LAGE3: variants seen among roughly 807,000 people sequenced by gnomAD.
LAGE3 encodes L antigen family member 3, also known as EKC/KEOPS complex subunit LAGE3.
In LAGE3, 2 loss-of-function variants were observed where a neutral mutation model predicts 4.4. The observed-to-expected ratio is 0.46, with a 90% CI of 0.19 to 1.44. LAGE3 has a LOEUF of 1.44. Ranked by LOEUF, LAGE3 falls within the 40% of genes most tolerant of loss-of-function variation. The pLI is 0.26. For missense variants in LAGE3, 152 were observed against 138.1 expected (o/e 1.10, Z -0.51); for synonymous variants, 79 against 60.0 (o/e 1.32, Z -1.47).
At position 154,478,783 on chromosome X, in the gene LAGE3, G is replaced by T. The variant is rs2069254675; in HGVS notation, c.133C>A (p.Pro45Thr). 6.2e-6 allele frequency: 7 copies of T among 1,136,652 alleles called. No homozygotes were observed. The highest frequency in any genetic ancestry group is 8.1e-6 in the Non-Finnish European group (7 of 866,468). The allele number at this position is 1,136,652 out of a possible 1,213,427, so 93.7% of individuals were successfully genotyped here. Residue 45 changes from proline (P) to threonine (T), a missense_variant, in exon 1 of 3, where the codon CCG becomes ACG. Physicochemically the swap from Pro to Thr is conservative, Grantham distance 38. Coordinates refer to ENST00000357360, the MANE Select transcript of LAGE3 (RefSeq NM_006014.5). ...GCCGCAGACGCGGCGTCTCTGCCCG[G>T]ACCTGGCGCGTGCGCTGGGGGAGCT... The part of the protein sequence containing the change: ...GGAPPAHAPG[P>T]GRDAASAARG...
rs782679585 is a variant in LAGE3, at chrX:154,477,927, A to G, written c.*17T>C. On this transcript the variant is annotated 3_prime_UTR_variant, in exon 3 of 3. Transcript: ENST00000357360. ...GAGACGCAAAGTGGGACCTCGCTCCATTTGCCCAGGCCAGGCTTAGCGGGA... is the reference window on the plus strand; with the variant it reads ...GAGACGCAAAGTGGGACCTCGCTCCGTTTGCCCAGGCCAGGCTTAGCGGGA... The G allele has an allele frequency of 2.2e-5, 26 of 1,192,105 alleles. No homozygotes were observed. In the East Asian group the frequency reaches 3.6e-4, roughly 16 times the overall value.
At chrX:154,478,131 C>T (rs1212826881) in intron 2 of LAGE3, 73 bp from the exon 3 acceptor site, 2 of 1,100,690 alleles carry the variant, frequency 1.8e-6, no homozygotes, top group Non-Finnish European at 1.3e-6. Flanking sequence ...CCTCAGGCAC[C>T]CAATATAGCA....
Position 154,478,729 on chromosome X carries a change from A to G in LAGE3, c.187T>C (p.Phe63Leu). 1.8e-6 allele frequency: 2 copies of G among 1,092,456 alleles called. No individual in the cohort carries two copies. The highest frequency in any genetic ancestry group is 4.8e-5 in the South Asian group (2 of 41,446). 90.0% of individuals were successfully genotyped at this position (1,092,456 alleles called of 1,213,427 possible). Reference protein sequence around the residue: ...ARGSRMRPHIFTLSVPFPTPL... With the variant: ...ARGSRMRPHILTLSVPFPTPL... ...CAGCCCCCAGCTCGGAAAGGATACAATATGTGCGGCCGCATTCGTGACCCC... is the reference window on the plus strand; with the variant it reads ...CAGCCCCCAGCTCGGAAAGGATACAGTATGTGCGGCCGCATTCGTGACCCC... The change falls in exon 1 of 3, where the codon TTC (phenylalanine) becomes CTC (leucine). Residue 63 changes from phenylalanine to leucine, a missense_variant and splice_region_variant. Physicochemically the swap from Phe to Leu is conservative, Grantham distance 22 (BLOSUM62 0). Coordinates refer to ENST00000357360, the MANE Select transcript of LAGE3 (RefSeq NM_006014.5).
intron 1 of LAGE3, 99 bp downstream of exon 1, chrX:154,478,629 C>T: frequency 5.0e-6 from 4 of 794,270 alleles, no homozygotes; most frequent in South Asian, 3.5e-5. Context: ...CGGTCCCCCC[C>T]TGCTACCCTT....
In LAGE3 at chrX:154,478,014, A is replaced by G. The variant is rs146063259; in HGVS notation, c.362T>C (p.Ile121Thr). ...EDCRLLRISV[I>T]NFLDQLSLVV... The stretch of plus-strand genomic sequence containing the variant: ...CAGGGAAAGCTGGTCAAGAAAGTTG[A>G]TGACGGAAATTCGGAGCAGGCGACA... The change falls in exon 3 of 3, where the codon ATC becomes ACC. Residue 121 changes from isoleucine to threonine, a missense_variant. Ile to Thr is a moderately conservative substitution (Grantham distance 89). Coordinates refer to ENST00000357360, the MANE Select transcript of LAGE3 (RefSeq NM_006014.5). 8.3e-4 allele frequency: 1,002 copies of G among 1,211,198 alleles called. 16 individuals are homozygous for G. The East Asian group carries it at 0.029, about 35-fold the overall frequency.
rs1205980531 is a variant in LAGE3, at chrX:154,478,158, G to C, written c.318-100C>G. The C allele has an allele frequency of 3.6e-6, 4 of 1,107,789 alleles. No individual in the cohort carries two copies. In the African/African-American group the frequency reaches 7.2e-5, roughly 20 times the overall value. 91.3% of individuals were successfully genotyped at this position (1,107,789 alleles called of 1,213,427 possible). On this transcript the variant is annotated intron_variant, in intron 2 of 2. Transcript: ENST00000357360. Reference sequence around the variant, plus strand: ...AATATAGCAAACCCTTGGGAGCCCTGCCATTACACAGCCCCTCAGGCAGAG... The same window carrying C: ...AATATAGCAAACCCTTGGGAGCCCTCCCATTACACAGCCCCTCAGGCAGAG...
At position 154,478,360 on chromosome X, in the gene LAGE3, C is replaced by A; in HGVS notation, c.240G>T (p.Gly80=). 1 of 1,204,781 alleles carries A rather than the reference C, an allele frequency of 8.3e-7. No homozygotes were observed. Among genetic ancestry groups the A allele is most frequent in the Non-Finnish European group, 1.1e-6 (1 of 892,294 alleles). ...PTPLEAEIAH[G]SLAPDAEPHQ... Reference sequence around the variant, plus strand: ...GGGGCTCGGCATCTGGTGCCAGGGACCCATGGGCGATTTCCGCCTCCAAGG... The same window carrying A: ...GGGGCTCGGCATCTGGTGCCAGGGAACCATGGGCGATTTCCGCCTCCAAGG... The change falls in exon 2 of 3, where the codon GGG becomes GGT. Residue 80 remains glycine, a synonymous_variant. Coordinates refer to ENST00000357360, the MANE Select transcript of LAGE3 (RefSeq NM_006014.5).
intron 2 of LAGE3, 79 bp downstream of exon 2, chrX:154,478,204 G>A (rs925394066): frequency 2.6e-6 from 3 of 1,155,700 alleles, no homozygotes; most frequent in Non-Finnish European, 3.5e-6. Flanking sequence ...CGCACCTGGC[G>A]CTCCTTAGGG....
chrX:154,478,149 G>C (rs782124396), intron 2 of LAGE3, 91 bp from the exon 3 acceptor site: 5 of 1,105,721 alleles, frequency 4.5e-6, no homozygotes, highest in Non-Finnish European at 6.2e-6. Flanking sequence ...GCAAACCCTT[G>C]GGAGCCCTGC....
In LAGE3 at chrX:154,478,076, A is replaced by G. The variant is rs887507604; in HGVS notation, c.318-18T>C. 1.5e-5 allele frequency: 18 copies of G among 1,182,296 alleles called. No individual in the cohort carries two copies. Among genetic ancestry groups the G allele is most frequent in the Non-Finnish European group, 2.1e-5 (18 of 869,862 alleles). On this transcript the variant is annotated intron_variant, in intron 2 of 2. Coordinates refer to ENST00000357360, the MANE Select transcript of LAGE3 (RefSeq NM_006014.5). ...TCCAGCGGCTAAAAGTGAGGGGAAA[A>G]GAAAATCAAATTGGAGGTGGCAACT...
At chrX:154,478,625 C>T (rs2148261384) in intron 1 of LAGE3, 103 bp downstream of exon 1, 1 of 752,071 alleles carries the variant, frequency 1.3e-6, no homozygotes, top group East Asian at 4.3e-5. Flanking sequence ...GCCCCGGTCC[C>T]CCCCTGCTAC....
In LAGE3 at chrX:154,478,674, C is replaced by T. The variant is rs782473344; in HGVS notation, c.188+54G>A. The T allele has an allele frequency of 1.0e-3, 807 of 795,040 alleles. 5 individuals are homozygous for T. The African/African-American group carries it at 0.016, about 16-fold the overall frequency. 65.5% of individuals were successfully genotyped at this position (795,040 alleles called of 1,213,427 possible). On this transcript the variant is annotated intron_variant, in intron 1 of 2. Coordinates refer to ENST00000357360, the MANE Select transcript of LAGE3 (RefSeq NM_006014.5). ...CCCCCGCCCGCCCTCCTTTCCTTCT[C>T]CCCGAGTCCAGCCCTCGCTCCGCCG...
chrX:154,478,331 T>C lies in LAGE3; in HGVS notation c.269A>G (p.Gln90Arg), dbSNP rs897387368. The change falls in exon 2 of 3, where the codon CAA (glutamine) becomes CGA (arginine). Residue 90 changes from glutamine (Q) to arginine (R), a missense_variant. By Grantham distance (43) the Gln-to-Arg change is conservative (BLOSUM62 1). Transcript: ENST00000357360. ...GSLAPDAEPH[Q>R]RVVGKDLTVS... The stretch of plus-strand genomic sequence containing the variant: ...TGTGAGATCCTTCCCAACCACCCTT[T>C]GGTGGGGCTCGGCATCTGGTGCCAG... 2 of 1,209,890 alleles carry C rather than the reference T, an allele frequency of 1.7e-6. No homozygotes were observed. Among genetic ancestry groups the C allele is most frequent in the Non-Finnish European group, 2.2e-6 (2 of 894,610 alleles).
chrX:154,478,233 C>T (rs1271175454), intron 2 of LAGE3, 50 bp downstream of exon 2: 3 of 1,196,132 alleles, frequency 2.5e-6, no homozygotes, highest in Non-Finnish European at 3.4e-6. Context: ...TGGATGTCCC[C>T]CATGTCTCCA....
Position 154,479,190 on chromosome X carries a change from C to T in LAGE3, c.-275G>A, listed in dbSNP as rs2069259057. 2 of 270,392 alleles carry T rather than the reference C, an allele frequency of 7.4e-6. No individual in the cohort carries two copies. The highest frequency in any genetic ancestry group is 2.8e-5 in the African/African-American group (1 of 36,201). The allele number at this position is 270,392 out of a possible 1,213,427, so 22.3% of individuals were successfully genotyped here. ...CTCGATTCCAGAGCGCTGGTGCAAA[C>T]TGACCCACAGTCGGTCCGGCCCCAG... On this transcript the variant is annotated 5_prime_UTR_variant, in exon 1 of 3. Transcript: ENST00000357360.
Position 154,478,940 on chromosome X carries a change from C to G in LAGE3, c.-25G>C. On this transcript the variant is annotated 5_prime_UTR_variant, in exon 1 of 3. Coordinates refer to ENST00000357360, the MANE Select transcript of LAGE3 (RefSeq NM_006014.5). The stretch of plus-strand genomic sequence containing the variant: ...TGACCGCCGCCGCGCCGCTCCGACT[C>G]CACCCCCGAAGCGCAGGTCCTACGC... 3 of 832,395 alleles carry G rather than the reference C, an allele frequency of 3.6e-6. No individual in the cohort carries two copies. Among genetic ancestry groups the G allele is most frequent in the Non-Finnish European group, 4.7e-6 (3 of 644,541 alleles). The allele number at this position is 832,395 out of a possible 1,213,427, so 68.6% of individuals were successfully genotyped here.
At chrX:154,478,478 T>C in intron 1 of LAGE3, 67 bp from the exon 2 acceptor site, 1 of 1,123,150 alleles carries the variant, frequency 8.9e-7, no homozygotes. Context: ...TTCTTGCTCC[T>C]CTGAAGCCCC....
In LAGE3 at chrX:154,478,910, C is replaced by T. The variant is rs984350197; in HGVS notation, c.6G>A (p.Arg2=). Residue 2 remains arginine (R), a synonymous_variant, in exon 1 of 3, where the codon CGG becomes CGA. Coordinates refer to ENST00000357360, the MANE Select transcript of LAGE3 (RefSeq NM_006014.5). M[R]DADADAGGGA... ...CTCCGCCTGCGTCTGCATCCGCGTC[C>T]CGCATGACCGCCGCCGCGCCGCTCC... 1.5e-5 allele frequency: 14 copies of T among 953,222 alleles called. No homozygotes were observed. The highest frequency in any genetic ancestry group is 1.6e-5 in the Non-Finnish European group (12 of 751,360). 78.6% of individuals were successfully genotyped at this position (953,222 alleles called of 1,213,427 possible).
In LAGE3 at chrX:154,479,156, C is replaced by A. The variant is rs2069258835; in HGVS notation, c.-241G>T. On this transcript the variant is annotated 5_prime_UTR_variant, in exon 1 of 3. Coordinates refer to ENST00000357360, the MANE Select transcript of LAGE3 (RefSeq NM_006014.5). ...GTTTCCTCCAGAAACTCTGCCCTTT[C>A]GCGCGTAACTCGATTCCAGAGCGCT... is the stretch of plus-strand genomic sequence containing the variant. 1.4e-5 allele frequency: 4 copies of A among 286,008 alleles called. No individual in the cohort carries two copies. The highest frequency in any genetic ancestry group is 1.8e-5 in the Non-Finnish European group (3 of 162,482). 23.6% of individuals were successfully genotyped at this position (286,008 alleles called of 1,213,427 possible).
Sources: gnomAD v4.1 joint callset for allele counts on GRCh38, gnomAD v4.1.1 for gene constraint, MANE v1.5 for transcripts, NCBI Gene and HGNC (gene_info 2026-07-23, HGNC 2026-07-21) for gene names.